The following GBF1 variants were observed in gnomAD, a reference collection of about 807,000 sequenced individuals.
GBF1 encodes Golgi-specific brefeldin A-resistance guanine nucleotide exchange factor 1.
Under a neutral mutation model 210.5 loss-of-function variants are expected in GBF1, and 114 were observed. The ratio of observed to expected loss-of-function variants is 0.54; its 90% confidence interval spans 0.47 to 0.63. The LOEUF (loss-of-function observed/expected upper bound fraction) is 0.63, where lower values mean the gene tolerates loss of function less well. GBF1 is among the 30% of genes least tolerant of loss of function. The probability of loss-of-function intolerance (pLI) is 0.00; values close to 1 mark genes in which losing one functional copy is unlikely to be tolerated. For synonymous variants in GBF1, 850 were observed against 889.2 expected (o/e 0.96, Z 0.78); for missense variants, 1,851 against 2,357.7 (o/e 0.79, Z 4.45).
intron 3 of GBF1, among the ~76,000 whole-genome samples, chr10:102,277,923 T>A (rs1369126018): frequency 6.6e-6 from 1 of 152,168 alleles, no homozygotes; most frequent in Non-Finnish European, 1.5e-5. Flanking sequence ...GACCGTTCTT[T>A]AGCTTCTCTT....
chr10:102,366,997 C>T lies in GBF1; in HGVS notation c.2434-88C>T. The T allele has an allele frequency of 7.0e-7, 1 of 1,424,736 alleles. No individual in the cohort carries two copies. Among genetic ancestry groups the T allele is most frequent in the Non-Finnish European group, 9.7e-7 (1 of 1,031,424 alleles). The allele number at this position is 1,424,736 out of a possible 1,614,324, so 88.3% of individuals were successfully genotyped here. A position where few individuals can be genotyped will look rare whatever the true frequency, so the allele number is the denominator to read the frequency against. On this transcript the variant is annotated intron_variant, in intron 19 of 39. Coordinates refer to ENST00000369983, the MANE Select transcript of GBF1 (RefSeq NM_001377137.1). This position sits in a 1 kb window ranked among gnomAD's most constrained non-coding sequence, Gnocchi z 4.0. Reference sequence around the variant, plus strand: ...CCACTTTCTGGATGGTACCTCTCCTCTGTACTAGCACTGACCAGTGGGTTG... The same window carrying T: ...CCACTTTCTGGATGGTACCTCTCCTTTGTACTAGCACTGACCAGTGGGTTG...
chr10:102,378,878 G>A (rs1006884754), intron 33 of GBF1, among the ~76,000 whole-genome samples: 7 of 152,060 alleles, frequency 4.6e-5, no homozygotes, highest in Admixed American at 3.3e-4. Flanking sequence ...AGGCTGCAGC[G>A]AGCCGTGATT....
chr10:102,275,096 C>T (rs983959799), intron 3 of GBF1, among the ~76,000 whole-genome samples: 10 of 150,964 alleles, frequency 6.6e-5, no homozygotes, highest in African/African-American at 2.4e-4. Flanking sequence ...CTCAAGTGAT[C>T]CACCGGCCTC....
intron 20 of GBF1, 88 bp downstream of exon 20, chr10:102,367,298 G>A (rs1589799484): frequency 7.1e-7 from 1 of 1,410,218 alleles, no homozygotes; most frequent in Non-Finnish European, 1.0e-6. Flanking sequence ...TGGGCATGAT[G>A]GATGGGGTTC....
chr10:102,280,472 T>C (rs1589466708), intron 3 of GBF1, among the ~76,000 whole-genome samples: 1 of 152,254 alleles, frequency 6.6e-6, no homozygotes, highest in East Asian at 1.9e-4. Context: ...TCCTAGTGGG[T>C]TGGGTAGGAA....
In GBF1 at chr10:102,363,335, G is replaced by A; in HGVS notation, c.1956G>A (p.Arg652=). The A allele has an allele frequency of 6.2e-7, 1 of 1,613,978 alleles. No homozygotes were observed. The highest frequency in any genetic ancestry group is 8.5e-7 in the Non-Finnish European group (1 of 1,179,866). ...IPGLHLPGGG[R]LPPEHGKSGC... ...GCCTGCATCTGCCAGGTGGAGGGCG[G>A]CTGCCACCAGAACATGGGAAATCAG... The change falls in exon 16 of 40, where the codon CGG becomes CGA. Residue 652 remains arginine (R), a synonymous_variant. Coordinates refer to ENST00000369983, the MANE Select transcript of GBF1 (RefSeq NM_001377137.1). The surrounding 1 kb of genome is among the most constrained non-coding windows in gnomAD (Gnocchi z 4.2).
rs2059044182 is a variant in GBF1, at chr10:102,352,385, T to C, written c.524-73T>C. 6.9e-6 allele frequency: 7 copies of C among 1,008,084 alleles called. No homozygotes were observed. The South Asian group carries it at 8.9e-5, about 13-fold the overall frequency. 62.4% of individuals were successfully genotyped at this position (1,008,084 alleles called of 1,614,324 possible). Reference sequence around the variant, plus strand: ...TTGGTAAACAAGGTTTGGAGGGGAGTCTGCTCTGAGAACCCTCTTGATAAT... The same window carrying C: ...TTGGTAAACAAGGTTTGGAGGGGAGCCTGCTCTGAGAACCCTCTTGATAAT... On this transcript the variant is annotated intron_variant, in intron 6 of 39. Coordinates refer to ENST00000369983, the MANE Select transcript of GBF1 (RefSeq NM_001377137.1).
chr10:102,379,386 G>A lies in GBF1; in HGVS notation c.4597G>A (p.Ala1533Thr), dbSNP rs755614985. ...HLETGGQKIE[A>T]DSRTLWAHCW... The stretch of plus-strand genomic sequence containing the variant: ...GGAGACAGGTGGCCAGAAGATTGAA[G>A]CTGATTCTCGCACCCTCTGGGCCCA... The change falls in exon 34 of 40, where the codon GCT becomes ACT. Residue 1533 changes from alanine to threonine, a missense_variant. By Grantham distance (58) the Ala-to-Thr change is moderately conservative. This residue lies in a region of GBF1 where 967 missense variants were observed against 1,247.7 expected (regional missense o/e 0.78). Coordinates refer to ENST00000369983, the MANE Select transcript of GBF1 (RefSeq NM_001377137.1). The A allele has an allele frequency of 6.2e-7, 1 of 1,614,118 alleles. No individual in the cohort carries two copies. The highest frequency in any genetic ancestry group is 1.3e-5 in the African/African-American group (1 of 75,020).
At chr10:102,361,571 A>G (rs1185439664) in intron 13 of GBF1, 147 bp from the exon 14 acceptor site, 1 of 573,020 alleles carries the variant, frequency 1.7e-6, no homozygotes, top group Admixed American at 3.2e-5. Context: ...AGATATATTT[A>G]GGGGATGGAA....
At chr10:102,286,205 T>TGG (rs2075933927) in intron 3 of GBF1, among the ~76,000 whole-genome samples, 1 of 151,428 alleles carries the variant, frequency 6.6e-6, no homozygotes, top group African/African-American at 2.4e-5. Flanking sequence ...TTTTTTTTTT[T>TGG]TTTTTTTTTT....
intron 3 of GBF1, among the ~76,000 whole-genome samples, chr10:102,272,070 A>G (rs1383986545): frequency 6.6e-6 from 1 of 150,884 alleles, no homozygotes; most frequent in Non-Finnish European, 1.5e-5. Context: ...ATATTATATC[A>G]CCACAGGAAG....
Position 102,381,126 on chromosome 10 carries a change from G to T in GBF1, c.5174-1G>T. 1 of 1,613,806 alleles carries T rather than the reference G, an allele frequency of 6.2e-7. No individual in the cohort carries two copies. The highest frequency in any genetic ancestry group is 1.1e-5 in the South Asian group (1 of 91,028). ...CCATCTCAATTCTCTACCGTCTCCA[G>T]ACCCCATGCCCATGGAGCCTCAAGG... On this transcript the variant is annotated splice_acceptor_variant, in intron 38 of 39. Coordinates refer to ENST00000369983, the MANE Select transcript of GBF1 (RefSeq NM_001377137.1). LOFTEE classifies it high-confidence loss of function.
At chr10:102,320,558 G>C (rs1414295691) in intron 3 of GBF1, among the ~76,000 whole-genome samples, 1 of 151,292 alleles carries the variant, frequency 6.6e-6, no homozygotes, top group African/African-American at 2.4e-5. Context: ...CTTCTACCTG[G>C]TGCCTCCTTC....
the GBF1 span, among the ~76,000 whole-genome samples, chr10:102,236,024 C>A: frequency 1.1e-4 from 16 of 152,106 alleles, no homozygotes; most frequent in Middle Eastern, 3.2e-3. Flanking sequence ...AGGGACCTGA[C>A]CGTGAAACTG....
At chr10:102,301,992 C>T (rs1287030509) in intron 3 of GBF1, among the ~76,000 whole-genome samples, 3 of 152,076 alleles carry the variant, frequency 2.0e-5, no homozygotes, top group South Asian at 2.1e-4. Flanking sequence ...ATTGAGTGAA[C>T]GAGACTCCCT....
Position 102,363,369 on chromosome 10 carries a change from G to C in GBF1, c.1990G>C (p.Asp664His). The change falls in exon 16 of 40, where the codon GAT (aspartate) becomes CAT (histidine). Residue 664 changes from aspartate (D) to histidine (H), a missense_variant. Physicochemically the swap from Asp to His is moderately conservative, Grantham distance 81. Transcript: ENST00000369983. This position sits in a 1 kb window ranked among gnomAD's most constrained non-coding sequence, Gnocchi z 4.2. ...AGAACATGGGAAATCAGGATGCAGT[G>C]ATCTGGAGGAAGCTGTTGACTCTGG... The part of the protein sequence containing the change: ...PPEHGKSGCS[D>H]LEEAVDSGAD... 6.2e-7 allele frequency: 1 copy of C among 1,614,056 alleles called. No individual in the cohort carries two copies. The highest frequency in any genetic ancestry group is 1.1e-5 in the South Asian group (1 of 91,046).
At chr10:102,277,110 T>A (rs1239474835) in intron 3 of GBF1, among the ~76,000 whole-genome samples, 1 of 152,146 alleles carries the variant, frequency 6.6e-6, no homozygotes, top group African/African-American at 2.4e-5. Flanking sequence ...GAGGATCACT[T>A]GAGCTCAGGA....
intron 3 of GBF1, among the ~76,000 whole-genome samples, chr10:102,343,370 C>T (rs1158919921): frequency 6.6e-6 from 1 of 152,156 alleles, no homozygotes; most frequent in Non-Finnish European, 1.5e-5. Flanking sequence ...ATGACGTTAC[C>T]TATTTATATC....
chr10:102,241,762 C>A (rs1335862180), upstream of GBF1, among the ~76,000 whole-genome samples: 1 of 152,238 alleles, frequency 6.6e-6, no homozygotes, highest in Non-Finnish European at 1.5e-5. This position sits in a 1 kb window ranked among gnomAD's most constrained non-coding sequence, Gnocchi z 6.7. Flanking sequence ...TGGCAGAGAC[C>A]GCGCTCCGGC....
Sources: allele counts gnomAD v4.1 joint callset (sites outside exome capture counted in the v4.1 genomes callset), GRCh38; gene constraint gnomAD v4.1.1; regional missense constraint gnomAD v4.1.1; non-coding constraint Gnocchi (gnomAD v3.1); transcripts MANE v1.5; gene names NCBI Gene and HGNC (gene_info 2026-07-23, HGNC 2026-07-21).